The following GFRA1 variants were observed in gnomAD, a reference collection of about 807,000 sequenced individuals.
GFRA1 encodes the protein GDNF family receptor alpha 1.
Under a neutral mutation model 51.6 loss-of-function variants are expected in GFRA1, and 16 were observed. The ratio of observed to expected loss-of-function variants is 0.31; its 90% CI spans 0.21 to 0.47. GFRA1 has a LOEUF of 0.47. Among genes scored for constraint, GFRA1 ranks in the 20% least tolerant of loss-of-function variants. GFRA1 has a pLI of 1.00. For synonymous variants in GFRA1, 270 were observed against 241.3 expected, an observed-to-expected ratio of 1.12 and a Z score of -1.10; for missense variants, 530 against 594.3, an observed-to-expected ratio of 0.89 and a Z score of 1.13.
rs573723622 is a variant in GFRA1, at chr10:116,264,816, G to A, written c.418+4687C>T. On this transcript the variant is annotated intron_variant, in intron 4 of 10. Transcript: ENST00000355422. ...CCACTAAGGAGTTTACCATATGCCA[G>A]AGTAAATAACAGGAAACGAATGGGG... Among the ~76,000 whole-genome samples, 59 of 152,290 alleles carry A rather than the reference G, an allele frequency of 3.9e-4. No individual in the cohort carries two copies. The South Asian group carries it at 0.012, about 30-fold the overall frequency.
intron 4 of GFRA1, among the ~76,000 whole-genome samples, chr10:116,237,769 C>G (rs908790890): frequency 2.0e-5 from 3 of 152,040 alleles, no homozygotes; most frequent in Admixed American, 2.0e-4. Flanking sequence ...TTATTTAATC[C>G]CAACTAAGCC....
intron 6 of GFRA1, among the ~76,000 whole-genome samples, chr10:116,110,361 T>C (rs1957159905): frequency 6.6e-6 from 1 of 152,100 alleles, no homozygotes; most frequent in Admixed American, 6.5e-5. Context: ...GCAGGGAGAC[T>C]GAGATGCAGA....
intron 5 of GFRA1, among the ~76,000 whole-genome samples, chr10:116,163,561 G>A (rs1392600907): frequency 6.6e-6 from 1 of 152,138 alleles, no homozygotes. Flanking sequence ...TTTGCTCATT[G>A]GAAGCATGCC....
At chr10:116,236,320 A>C (rs1966876305) in intron 4 of GFRA1, among the ~76,000 whole-genome samples, 1 of 152,110 alleles carries the variant, frequency 6.6e-6, no homozygotes, top group South Asian at 2.1e-4. Flanking sequence ...AACTGGAAAC[A>C]ACAACCCCCT....
chr10:116,272,093 C>G lies in GFRA1; in HGVS notation c.-64G>C. 1.5e-6 allele frequency: 2 copies of G among 1,363,352 alleles called. No individual in the cohort carries two copies. The highest frequency in any genetic ancestry group is 1.2e-5 in the South Asian group (1 of 80,240). 84.5% of individuals were successfully genotyped at this position (1,363,352 alleles called of 1,614,324 possible). On this transcript the variant is annotated 5_prime_UTR_variant, in exon 2 of 11. Coordinates refer to ENST00000355422, the MANE Select transcript of GFRA1 (RefSeq NM_005264.8). This position sits in a 1 kb window ranked among gnomAD's most constrained non-coding sequence, Gnocchi z 4.4. ...ATCCCGAGCCGCCGCTGGGTCTTGC[C>G]GAGGGAGCTCAGCGTGCAGCGATCC...
At chr10:116,186,974 C>T (rs1277346913) in intron 5 of GFRA1, among the ~76,000 whole-genome samples, 1 of 152,126 alleles carries the variant, frequency 6.6e-6, no homozygotes, top group African/African-American at 2.4e-5. Context: ...GGTCACGTCT[C>T]GGTCCCTTTT....
At chr10:116,199,933 T>G (rs555993703) in intron 5 of GFRA1, among the ~76,000 whole-genome samples, 1 of 152,352 alleles carries the variant, frequency 6.6e-6, no homozygotes, top group South Asian at 2.1e-4. Context: ...CCATCATATT[T>G]TAGTTTTAAG....
chr10:116,139,675 A>G (rs1188854619), intron 5 of GFRA1, among the ~76,000 whole-genome samples: 3 of 152,218 alleles, frequency 2.0e-5, no homozygotes, highest in African/African-American at 7.2e-5. Context: ...CCAGAGGGCA[A>G]GGGTGCCCCT....
At chr10:116,254,332 A>AAAAAAG (rs1555173300) in intron 4 of GFRA1, among the ~76,000 whole-genome samples, 1 of 149,736 alleles carries the variant, frequency 6.7e-6, no homozygotes, top group Non-Finnish European at 1.5e-5. Flanking sequence ...AAAAAAAAAA[A>AAAAAAG]AAAGAAAGAA....
intron 5 of GFRA1, among the ~76,000 whole-genome samples, chr10:116,188,740 A>G (rs1216449040): frequency 6.6e-6 from 1 of 151,922 alleles, no homozygotes; most frequent in African/African-American, 2.4e-5. Context: ...CCTGCTAAAA[A>G]TACAAAAAAA....
At chr10:116,206,006 T>C (rs1964728852) in intron 5 of GFRA1, among the ~76,000 whole-genome samples, 1 of 151,906 alleles carries the variant, frequency 6.6e-6, no homozygotes, top group Non-Finnish European at 1.5e-5. Context: ...GTAATGTTGT[T>C]CTGTTTGTGC....
chr10:116,222,180 T>C (rs1240971341), intron 4 of GFRA1, among the ~76,000 whole-genome samples: 1 of 152,022 alleles, frequency 6.6e-6, no homozygotes, highest in East Asian at 1.9e-4. Flanking sequence ...GCCAGAGGGC[T>C]TTCTTTTCTT....
intron 5 of GFRA1, among the ~76,000 whole-genome samples, chr10:116,203,264 C>T (rs1377895386): frequency 1.3e-5 from 2 of 152,178 alleles, no homozygotes; most frequent in African/African-American, 4.8e-5. Context: ...GAATCAACTA[C>T]AATCGTATGT....
intron 6 of GFRA1, among the ~76,000 whole-genome samples, chr10:116,121,441 T>C (rs1049712750): frequency 2.6e-5 from 4 of 152,204 alleles, no homozygotes; most frequent in Admixed American, 6.5e-5. Flanking sequence ...ATCTGTCAGC[T>C]TCCCTAAAAT....
At chr10:116,226,244 A>G (rs991223855) in intron 4 of GFRA1, among the ~76,000 whole-genome samples, 1 of 152,188 alleles carries the variant, frequency 6.6e-6, no homozygotes, top group South Asian at 2.1e-4. Flanking sequence ...ACTAGGGTAG[A>G]AGATGGTCGG....
chr10:116,222,022 A>G (rs1369363168), intron 4 of GFRA1, among the ~76,000 whole-genome samples: 3 of 152,252 alleles, frequency 2.0e-5, no homozygotes, highest in South Asian at 2.1e-4. Context: ...ACAAGGAAAT[A>G]TGACTGAGCT....
intron 6 of GFRA1, among the ~76,000 whole-genome samples, chr10:116,115,265 G>A (rs1452648460): frequency 6.6e-6 from 1 of 152,162 alleles, no homozygotes; most frequent in African/African-American, 2.4e-5. Flanking sequence ...GTGTGGGGGA[G>A]TGTGGAGTCT....
At chr10:116,125,749 G>A (rs3781523) in intron 5 of GFRA1, among the ~76,000 whole-genome samples, 192 bp from the exon 6 acceptor site, 35,323 of 152,088 alleles carry the variant, frequency 0.23, 4,131 homozygotes, top group Middle Eastern at 0.26. Flanking sequence ...AGGAGTCTAC[G>A]GCAGCACAAA....
At chr10:116,256,728 T>C (rs979595664) in intron 4 of GFRA1, among the ~76,000 whole-genome samples, 4 of 152,076 alleles carry the variant, frequency 2.6e-5, no homozygotes, top group Admixed American at 2.0e-4. Context: ...CTGAATCGAG[T>C]TGAGAATTTG....
Sources: allele counts gnomAD v4.1 joint callset (sites outside exome capture counted in the v4.1 genomes callset), GRCh38; gene constraint gnomAD v4.1.1; non-coding constraint Gnocchi (gnomAD v3.1); transcripts MANE v1.5; gene names NCBI Gene and HGNC (gene_info 2026-07-23, HGNC 2026-07-21).